METTL25B: variants seen among roughly 807,000 people sequenced by gnomAD.
METTL25B encodes methyltransferase like 25B.
In METTL25B, 38 loss-of-function variants were observed where a neutral mutation model predicts 48.4. The ratio of observed to expected loss-of-function variants is 0.78; its 90% CI spans 0.61 to 1.03. The LOEUF (loss-of-function observed/expected upper bound fraction) is 1.03, where lower values mean the gene tolerates loss of function less well. METTL25B is among the 50% of genes least tolerant of loss of function. The pLI, the probability that METTL25B is intolerant of heterozygous loss-of-function variation, is 0.00. For missense variants in METTL25B, 537 were observed against 603.7 expected (o/e 0.89, Z 1.16); for synonymous variants, 230 against 254.5 (o/e 0.90, Z 0.92).
chr1:156,735,320 A>G (rs1189934915), intron 6 of METTL25B, among the ~76,000 whole-genome samples: 2 of 150,748 alleles, frequency 1.3e-5, no homozygotes. Context: ...AAATGCTAAA[A>G]GTATGGCTAA....
chr1:156,736,115 C>A (rs1571524099), intron 7 of METTL25B: 2 of 438,108 alleles, frequency 4.6e-6, no homozygotes, highest in Non-Finnish European at 4.0e-6. Context: ...TGCCTATAAT[C>A]CCAGCACTTT....
At chr1:156,729,620 G>A (rs1649077931) in intron 1 of METTL25B, 3 of 168,578 alleles carry the variant, frequency 1.8e-5, no homozygotes, top group Non-Finnish European at 3.8e-5. Flanking sequence ...TCTTCTTGGA[G>A]CATGTCAGGT....
chr1:156,729,401 A>C, intron 1 of METTL25B, 186 bp downstream of exon 1: 4 of 378,174 alleles, frequency 1.1e-5, no homozygotes, highest in South Asian at 5.9e-5. Context: ...CATAAATAAT[A>C]TTTCTTTTTT....
intron 1 of METTL25B, among the ~76,000 whole-genome samples, chr1:156,729,966 T>C (rs534689481): frequency 1.7e-3 from 257 of 152,344 alleles, no homozygotes; most frequent in Non-Finnish European, 3.1e-3. Flanking sequence ...CAACAAGTCC[T>C]CTTGGCTCTG....
In METTL25B at chr1:156,736,873, G is replaced by A. The variant is rs903875399; in HGVS notation, c.*120G>A. On this transcript the variant is annotated 3_prime_UTR_variant, in exon 8 of 8. Transcript: ENST00000368216. ...ATCCTCCAGAGTCCTGGTTCCTTCA[G>A]TTTCATCCCCTTTCTCTCCTTCCAT... 1.1e-6 allele frequency: 1 copy of A among 931,420 alleles called. No homozygotes were observed. Among genetic ancestry groups the A allele is most frequent in the Non-Finnish European group, 1.6e-6 (1 of 636,122 alleles). 57.7% of individuals were successfully genotyped at this position (931,420 alleles called of 1,614,324 possible). A position where few individuals can be genotyped will look rare whatever the true frequency, so the allele number is the denominator to read the frequency against.
At chr1:156,731,097 T>C (rs112577581) in intron 1 of METTL25B, among the ~76,000 whole-genome samples, 19 of 152,330 alleles carry the variant, frequency 1.2e-4, no homozygotes, top group Admixed American at 1.0e-3. Flanking sequence ...TTTGTCTATA[T>C]GACATATGAT....
Position 156,728,477 on chromosome 1 carries a change from C to A in METTL25B, c.-628C>A. ...AGCCGGATGCGGAAATCGGTGCGCG[C>A]CGACGAAGCCCGGGAAGGCAGGCGC... On this transcript the variant is annotated 5_prime_UTR_variant, in exon 1 of 8. Transcript: ENST00000368216. The A allele has an allele frequency of 4.1e-6, 4 of 984,338 alleles. No individual in the cohort carries two copies. The highest frequency in any genetic ancestry group is 4.8e-6 in the Non-Finnish European group (4 of 829,906). 61.0% of individuals were successfully genotyped at this position (984,338 alleles called of 1,614,324 possible). A position where few individuals can be genotyped will look rare whatever the true frequency, so the allele number is the denominator to read the frequency against.
At position 156,736,085 on chromosome 1, in the gene METTL25B, A is replaced by C. The variant is rs528364357; in HGVS notation, c.1306+176A>C. On this transcript the variant is annotated intron_variant, in intron 7 of 7. Transcript: ENST00000368216. ...GGATTTGTTAAAAAATTAAGAATCCAGGCTGGGTGCGGTGGCTCATGCCTA... is the reference window on the plus strand; with the variant it reads ...GGATTTGTTAAAAAATTAAGAATCCCGGCTGGGTGCGGTGGCTCATGCCTA... 5 of 532,796 alleles carry C rather than the reference A, an allele frequency of 9.4e-6. No homozygotes were observed. In the Admixed American group the frequency reaches 1.8e-4, roughly 19 times the overall value. The allele number at this position is 532,796 out of a possible 1,614,324, so 33.0% of individuals were successfully genotyped here. A position where few individuals can be genotyped will look rare whatever the true frequency, so the allele number is the denominator to read the frequency against.
intron 1 of METTL25B, among the ~76,000 whole-genome samples, chr1:156,731,478 G>T (rs960913170): frequency 6.6e-6 from 1 of 152,144 alleles, no homozygotes; most frequent in Non-Finnish European, 1.5e-5. Context: ...CTTGTCTCAG[G>T]TTCACTGTTG....
intron 1 of METTL25B, among the ~76,000 whole-genome samples, chr1:156,729,804 C>T (rs1022198047): frequency 2.6e-5 from 4 of 152,182 alleles, no homozygotes; most frequent in African/African-American, 9.7e-5. Context: ...GTTTCCTCAG[C>T]TATACAATGG....
At chr1:156,732,182 CAG>C in intron 2 of METTL25B, 67 bp downstream of exon 2, 5 of 1,610,700 alleles carry the variant, frequency 3.1e-6, no homozygotes, top group Non-Finnish European at 4.2e-6. Flanking sequence ...GCATATTGCT[CAG>C]AGAGTCTCAT....
Position 156,736,884 on chromosome 1 carries a change from T to G in METTL25B, c.*131T>G. 1 of 807,910 alleles carries G rather than the reference T, an allele frequency of 1.2e-6. No individual in the cohort carries two copies. Among genetic ancestry groups the G allele is most frequent in the Non-Finnish European group, 1.9e-6 (1 of 525,444 alleles). The allele number at this position is 807,910 out of a possible 1,614,324, so 50.0% of individuals were successfully genotyped here. On this transcript the variant is annotated 3_prime_UTR_variant, in exon 8 of 8. Coordinates refer to ENST00000368216, the MANE Select transcript of METTL25B (RefSeq NM_015997.4). ...TCCTGGTTCCTTCAGTTTCATCCCC[T>G]TTCTCTCCTTCCATGGATTATGTAA...
At chr1:156,731,071 A>AGTTT (rs1649249554) in intron 1 of METTL25B, among the ~76,000 whole-genome samples, 1 of 152,096 alleles carries the variant, frequency 6.6e-6, no homozygotes, top group Admixed American at 6.6e-5. Context: ...CCATTACATT[A>AGTTT]CTGTTTCATT....
chr1:156,732,836 A>G (rs528239242), intron 3 of METTL25B, 149 bp from the exon 4 acceptor site: 177 of 686,270 alleles, frequency 2.6e-4, no homozygotes, highest in Non-Finnish European at 4.2e-4. Context: ...CCTCACCCTT[A>G]TATCTTTCTT....
At position 156,734,591 on chromosome 1, in the gene METTL25B, G is replaced by A. The variant is rs368965678; in HGVS notation, c.1121+98G>A. On this transcript the variant is annotated intron_variant, in intron 6 of 7. Transcript: ENST00000368216. ...CTGTTGCCCAGGCTGGAGTGCAGTG[G>A]AGCGATCTCGGCTCACTGCAAGCTC... The A allele has an allele frequency of 4.4e-5, 58 of 1,307,972 alleles. No individual in the cohort carries two copies. In the African/African-American group the frequency reaches 5.2e-4, roughly 12 times the overall value. The allele number at this position is 1,307,972 out of a possible 1,614,324, so 81.0% of individuals were successfully genotyped here. A position where few individuals can be genotyped will look rare whatever the true frequency, so the allele number is the denominator to read the frequency against.
chr1:156,736,488 C>T (rs1558024523), intron 7 of METTL25B, 144 bp from the exon 8 acceptor site: 9 of 882,344 alleles, frequency 1.0e-5, no homozygotes, highest in South Asian at 8.9e-5. Context: ...CTTGGGAACC[C>T]GTGTTCCTTA....
In METTL25B at chr1:156,732,968, G is replaced by T; in HGVS notation, c.430-17G>T. On this transcript the variant is annotated splice_polypyrimidine_tract_variant and intron_variant, in intron 3 of 7. Coordinates refer to ENST00000368216, the MANE Select transcript of METTL25B (RefSeq NM_015997.4). ...AATAACCAGTGGCTAGGAGACCTTT[G>T]TTTCCTCCTTTTTCAGTTGGTGAAG... 1.2e-6 allele frequency: 2 copies of T among 1,613,656 alleles called. No homozygotes were observed. Among genetic ancestry groups the T allele is most frequent in the Non-Finnish European group, 1.7e-6 (2 of 1,179,682 alleles).
At position 156,732,459 on chromosome 1, in the gene METTL25B, C is replaced by A. The variant is rs139236626; in HGVS notation, c.415C>A (p.Arg139=). 4 of 1,613,600 alleles carry A rather than the reference C, an allele frequency of 2.5e-6. No homozygotes were observed. The highest frequency in any genetic ancestry group is 2.5e-6 in the Non-Finnish European group (3 of 1,180,020). Reference sequence around the variant, plus strand: ...CAGGCCCAAGAAGCAGCATGAGATCCGGAGGCTGGGAGAGGTGAGGAGATG... The same window carrying A: ...CAGGCCCAAGAAGCAGCATGAGATCAGGAGGCTGGGAGAGGTGAGGAGATG... ...HVRPKKQHEI[R]RLGELVKKLS... The change falls in exon 3 of 8, where the codon CGG becomes AGG. Residue 139 remains arginine (R), a synonymous_variant. Transcript: ENST00000368216.
chr1:156,735,877 T>A lies in METTL25B; in HGVS notation c.1274T>A (p.Leu425Gln), dbSNP rs756093527. ...GCCCCACTGGTGGAGACGCTTATTC[T>A]ACTGGACCGGCTGCTGTACCTTCAG... ...LLAPLVETLILLDRLLYLQEQ... is the reference protein window; with the variant it reads ...LLAPLVETLIQLDRLLYLQEQ... Residue 425 changes from leucine to glutamine, a missense_variant, in exon 7 of 8, where the codon CTA becomes CAA. Physicochemically the swap from Leu to Gln is moderately radical, Grantham distance 113. Transcript: ENST00000368216. 1 of 1,612,540 alleles carries A rather than the reference T, an allele frequency of 6.2e-7. No individual in the cohort carries two copies. Among genetic ancestry groups the A allele is most frequent in the African/African-American group, 1.3e-5 (1 of 74,752 alleles).
Sources: allele counts gnomAD v4.1 joint callset (sites outside exome capture counted in the v4.1 genomes callset), GRCh38; gene constraint gnomAD v4.1.1; transcripts MANE v1.5; gene names NCBI Gene and HGNC (gene_info 2026-07-23, HGNC 2026-07-21).